Variants in FRMD4A observed in about 807,000 individuals in gnomAD.
The protein encoded by FRMD4A is FERM domain containing 4A.
Under a neutral mutation model 129.1 loss-of-function variants are expected in FRMD4A, and 29 were observed. That is an observed-to-expected ratio of 0.22 (90% CI 0.17 to 0.31). The LOEUF is 0.31. Ranked by LOEUF, FRMD4A falls within the 10% of genes least tolerant of loss-of-function variation. The pLI is 1.00. For synonymous variants in FRMD4A, 634 were observed against 571.6 expected (o/e 1.11, Z -1.56); for missense variants, 1,272 against 1,375.8 (o/e 0.92, Z 1.19).
At chr10:14,227,232 C>CTCT (rs1223079190) in intron 2 of FRMD4A, among the ~76,000 whole-genome samples, 12 of 125,598 alleles carry the variant, frequency 9.6e-5, no homozygotes, top group East Asian at 4.9e-4. Context: ...CCTCCTCCTT[C>CTCT]TCTTCTTCTT....
At chr10:14,030,903 C>A (rs959140119) in intron 2 of FRMD4A, among the ~76,000 whole-genome samples, 1 of 152,200 alleles carries the variant, frequency 6.6e-6, no homozygotes, top group African/African-American at 2.4e-5. Flanking sequence ...CCAGCCCCAC[C>A]GCAGTCCCTG....
intron 2 of FRMD4A, among the ~76,000 whole-genome samples, chr10:14,162,928 T>C (rs1390498746): frequency 6.6e-6 from 1 of 152,172 alleles, no homozygotes; most frequent in Non-Finnish European, 1.5e-5. Flanking sequence ...TAAATCCTGC[T>C]CCATTCCTTC....
intron 2 of FRMD4A, among the ~76,000 whole-genome samples, chr10:14,240,549 T>C (rs1210961317): frequency 2.6e-5 from 4 of 152,186 alleles, no homozygotes; most frequent in African/African-American, 9.6e-5. Context: ...TCTGGTCTCC[T>C]GATGGAGGTT....
intron 2 of FRMD4A, among the ~76,000 whole-genome samples, chr10:13,925,176 T>C (rs1414208345): frequency 6.6e-6 from 1 of 152,094 alleles, no homozygotes; most frequent in Non-Finnish European, 1.5e-5. Flanking sequence ...ACTTACTTCT[T>C]TCAAGGAAGA....
intron 2 of FRMD4A, among the ~76,000 whole-genome samples, chr10:14,080,386 G>A (rs971789197): frequency 2.6e-5 from 4 of 152,038 alleles, no homozygotes; most frequent in Non-Finnish European, 4.4e-5. Flanking sequence ...ATTGGAACTG[G>A]CTCCTGAACA....
At chr10:13,683,680 T>A (rs1278774988) in intron 15 of FRMD4A, among the ~76,000 whole-genome samples, 1 of 151,002 alleles carries the variant, frequency 6.6e-6, no homozygotes. Flanking sequence ...GCTAACTGGG[T>A]AATTAACGTG....
intron 2 of FRMD4A, among the ~76,000 whole-genome samples, chr10:14,183,838 T>C (rs11817934): frequency 1.3e-5 from 2 of 152,192 alleles, no homozygotes; most frequent in Non-Finnish European, 2.9e-5. Flanking sequence ...TCTGTCTCAA[T>C]TTTAGTAAGA....
chr10:13,891,811 A>T, intron 2 of FRMD4A: 1 of 883,996 alleles, frequency 1.1e-6, no homozygotes, highest in Non-Finnish European at 1.3e-6. Context: ...GCGTCAGCCC[A>T]TAGCCCGCTC....
chr10:13,965,905 T>C (rs34656905), intron 2 of FRMD4A, among the ~76,000 whole-genome samples: 7,700 of 152,342 alleles, frequency 0.051, 345 homozygotes, highest in Non-Finnish European at 0.077. Flanking sequence ...TGTTGGCAGG[T>C]TAATTAATAA....
At chr10:14,147,090 T>C (rs1398762970) in intron 2 of FRMD4A, among the ~76,000 whole-genome samples, 2 of 152,234 alleles carry the variant, frequency 1.3e-5, no homozygotes, top group Non-Finnish European at 2.9e-5. Flanking sequence ...CATTGAAAGA[T>C]GGCCTGGATC....
At chr10:13,992,784 C>A (rs2095607864) in intron 2 of FRMD4A, among the ~76,000 whole-genome samples, 2 of 151,618 alleles carry the variant, frequency 1.3e-5, no homozygotes, top group Admixed American at 6.6e-5. Flanking sequence ...GAAACCCTGT[C>A]TCTACTAAAA....
chr10:13,942,214 T>C (rs556808766), intron 2 of FRMD4A, among the ~76,000 whole-genome samples: 3 of 152,208 alleles, frequency 2.0e-5, no homozygotes, highest in Non-Finnish European at 4.4e-5. Flanking sequence ...CAAATGAAAC[T>C]GGGGAAGCCT....
intron 3 of FRMD4A, among the ~76,000 whole-genome samples, chr10:13,811,324 G>A (rs1421061420): frequency 1.3e-5 from 2 of 151,024 alleles, no homozygotes; most frequent in African/African-American, 4.9e-5. Flanking sequence ...GGAAAGATGG[G>A]GTTTCACCAT....
intron 6 of FRMD4A, among the ~76,000 whole-genome samples, chr10:13,779,554 C>T (rs2130770376): frequency 6.6e-6 from 1 of 152,254 alleles, no homozygotes; most frequent in South Asian, 2.1e-4. Context: ...TGACATTTTA[C>T]CCAGGTAAGA....
At chr10:13,828,731 C>T (rs144518679) in intron 3 of FRMD4A, among the ~76,000 whole-genome samples, 144 of 152,200 alleles carry the variant, frequency 9.5e-4, no homozygotes, top group African/African-American at 3.4e-3. Flanking sequence ...AGGGTTTCTC[C>T]ATGTTGGTCA....
At chr10:13,891,493 A>C (rs1445602440) in intron 2 of FRMD4A, 1 of 587,900 alleles carries the variant, frequency 1.7e-6, no homozygotes, top group African/African-American at 2.0e-5. Flanking sequence ...CGCGAAATAA[A>C]CGACTCCAGG....
Position 13,675,049 on chromosome 10 carries a change from C to G in FRMD4A, c.1118-5G>C, listed in dbSNP as rs184126922. On this transcript the variant is annotated splice_polypyrimidine_tract_variant and splice_region_variant and intron_variant, in intron 15 of 24. Transcript: ENST00000357447. ...AGCTATCTGATTCCTGAGAACCTGT[C>G]GATAAACAGTGGGGTTACTTGGCCA... The G allele has an allele frequency of 6.0e-5, 97 of 1,611,540 alleles. No individual in the cohort carries two copies. The highest frequency in any genetic ancestry group is 2.7e-4 in the Admixed American group (16 of 60,000).
intron 2 of FRMD4A, among the ~76,000 whole-genome samples, chr10:13,898,480 A>T (rs1480828292): frequency 6.6e-6 from 1 of 152,230 alleles, no homozygotes; most frequent in Non-Finnish European, 1.5e-5. Context: ...ATGAATGAGG[A>T]TGTAGTCAAA....
At chr10:13,728,673 C>G (rs1365325687) in intron 12 of FRMD4A, among the ~76,000 whole-genome samples, 2 of 146,622 alleles carry the variant, frequency 1.4e-5, no homozygotes, top group Admixed American at 7.3e-5. Context: ...TGGGTTCAAG[C>G]AATTCTCCTG....
Sources: allele counts gnomAD v4.1 joint callset (sites outside exome capture counted in the v4.1 genomes callset), GRCh38; gene constraint gnomAD v4.1.1; transcripts MANE v1.5; gene names NCBI Gene and HGNC (gene_info 2026-07-23, HGNC 2026-07-21).